Variants in CHSY1 observed in about 807,000 individuals in gnomAD.
The protein encoded by CHSY1 is chondroitin sulfate synthase 1.
In CHSY1, 13 loss-of-function variants were observed where a neutral mutation model predicts 59.8. The observed-to-expected ratio is 0.22, with a 90% CI of 0.14 to 0.35. The LOEUF (loss-of-function observed/expected upper bound fraction) is 0.35, where lower values mean the gene tolerates loss of function less well. Ranked by LOEUF, CHSY1 falls within the 10% of genes least tolerant of loss-of-function variation. CHSY1 has a pLI of 1.00. For missense variants in CHSY1, 947 were observed against 1,030.6 expected, an observed-to-expected ratio of 0.92 and a Z score of 1.11; for synonymous variants, 459 against 401.2, an observed-to-expected ratio of 1.14 and a Z score of -1.72.
At chr15:101,201,305 G>A (rs2038571992) in intron 2 of CHSY1, among the ~76,000 whole-genome samples, 1 of 152,196 alleles carries the variant, frequency 6.6e-6, no homozygotes. Context: ...GGTTAAAGAA[G>A]GAGTTGCCTA....
chr15:101,208,635 C>G (rs1305168477), intron 2 of CHSY1, among the ~76,000 whole-genome samples: 1 of 151,418 alleles, frequency 6.6e-6, no homozygotes, highest in Non-Finnish European at 1.5e-5. Flanking sequence ...ATTGCTTGAA[C>G]CCAGGAGGCG....
intron 2 of CHSY1, among the ~76,000 whole-genome samples, chr15:101,185,342 A>AGCC (rs1401971079): frequency 1.3e-5 from 2 of 152,278 alleles, no homozygotes; most frequent in East Asian, 3.9e-4. Flanking sequence ...AACCTAGGGA[A>AGCC]GCCCTGACGG....
intron 2 of CHSY1, among the ~76,000 whole-genome samples, chr15:101,184,639 C>A (rs540151082): frequency 6.6e-6 from 1 of 151,918 alleles, no homozygotes; most frequent in Admixed American, 6.6e-5. Flanking sequence ...CGTGAGCCAC[C>A]CAGCCCGGCC....
At chr15:101,198,675 G>A (rs1446865729) in intron 2 of CHSY1, among the ~76,000 whole-genome samples, 2 of 152,246 alleles carry the variant, frequency 1.3e-5, no homozygotes, top group Non-Finnish European at 2.9e-5. Context: ...AGCAGTCGTA[G>A]TACCAGGCCC....
At position 101,178,762 on chromosome 15, in the gene CHSY1, G is replaced by A. The variant is rs2038233737; in HGVS notation, c.1035C>T (p.Ser345=). 1 of 1,614,080 alleles carries A rather than the reference G, an allele frequency of 6.2e-7. No homozygotes were observed. The highest frequency in any genetic ancestry group is 8.5e-7 in the Non-Finnish European group (1 of 1,180,052). ...GGTCCTCTTTATGAATTTCTGTGTT[G>A]CTGTATTTGCTCATCAGGACAATTT... is the stretch of plus-strand genomic sequence containing the variant. ...HREIVLMSKY[S]NTEIHKEDLQ... Residue 345 remains serine, a synonymous_variant, in exon 3 of 3, where the codon AGC becomes AGT. Transcript: ENST00000254190.
chr15:101,245,045 G>C (rs1438119310), intron 1 of CHSY1, among the ~76,000 whole-genome samples: 1 of 152,184 alleles, frequency 6.6e-6, no homozygotes, highest in Non-Finnish European at 1.5e-5. Flanking sequence ...GCTCTAGCTA[G>C]GTACCGGTAC....
At chr15:101,197,674 A>G (rs1008850424) in intron 2 of CHSY1, among the ~76,000 whole-genome samples, 2 of 152,236 alleles carry the variant, frequency 1.3e-5, no homozygotes. Flanking sequence ...ATAAATGTAT[A>G]TAATGTTAAA....
rs2038181646 is a variant in CHSY1 at position 101,175,926 on chromosome 15, C to A, written c.*1462G>T. On this transcript the variant is annotated 3_prime_UTR_variant, in exon 3 of 3. Coordinates refer to ENST00000254190, the MANE Select transcript of CHSY1 (RefSeq NM_014918.5). Reference sequence around the variant, plus strand: ...TGGCAAGTCTATCACTGTTTGAAATCTAAATGAAAACAAATTTATTAAGGC... The same window carrying A: ...TGGCAAGTCTATCACTGTTTGAAATATAAATGAAAACAAATTTATTAAGGC... 1 of 208,570 alleles carries A rather than the reference C, an allele frequency of 4.8e-6. No homozygotes were observed. Among genetic ancestry groups the A allele is most frequent in the Non-Finnish European group, 9.4e-6 (1 of 105,928 alleles). 12.9% of individuals were successfully genotyped at this position (208,570 alleles called of 1,614,324 possible).
chr15:101,217,275 C>T (rs1008927346), intron 2 of CHSY1, among the ~76,000 whole-genome samples: 1 of 152,184 alleles, frequency 6.6e-6, no homozygotes, highest in African/African-American at 2.4e-5. Context: ...GAGCTGGAGA[C>T]ATCACTATCA....
intron 2 of CHSY1, among the ~76,000 whole-genome samples, chr15:101,179,357 T>G (rs1453096335): frequency 6.6e-6 from 1 of 152,198 alleles, no homozygotes; most frequent in Non-Finnish European, 1.5e-5. Context: ...CGTCCCTGGC[T>G]GAAGACCTGA....
chr15:101,217,179 G>A (rs901112471), intron 2 of CHSY1, among the ~76,000 whole-genome samples: 3 of 152,146 alleles, frequency 2.0e-5, no homozygotes, highest in African/African-American at 4.8e-5. Flanking sequence ...AATGGATGGC[G>A]GGTGGTAAAA....
At chr15:101,240,953 A>G (rs557330245) in intron 1 of CHSY1, among the ~76,000 whole-genome samples, 1 of 152,354 alleles carries the variant, frequency 6.6e-6, no homozygotes, top group Non-Finnish European at 1.5e-5. Flanking sequence ...GTAAGCTTAA[A>G]AAGCAGGCAA....
intron 2 of CHSY1, among the ~76,000 whole-genome samples, chr15:101,210,748 G>A (rs1245042734): frequency 6.6e-6 from 1 of 152,100 alleles, no homozygotes; most frequent in Non-Finnish European, 1.5e-5. Context: ...CCTCACTGGA[G>A]GACAGTAATC....
intron 2 of CHSY1, among the ~76,000 whole-genome samples, chr15:101,182,924 A>C (rs1284826232): frequency 6.6e-6 from 1 of 152,236 alleles, no homozygotes; most frequent in African/African-American, 2.4e-5. Context: ...AAACAAAAGC[A>C]AAACCCTTGG....
At chr15:101,189,926 C>T (rs941927030) in intron 2 of CHSY1, among the ~76,000 whole-genome samples, 2 of 152,244 alleles carry the variant, frequency 1.3e-5, no homozygotes, top group Admixed American at 6.5e-5. Context: ...CTTGAGTCCT[C>T]GGAGGAAGAG....
At position 101,176,094 on chromosome 15, in the gene CHSY1, A is replaced by T. The variant is rs750271337; in HGVS notation, c.*1294T>A. On this transcript the variant is annotated 3_prime_UTR_variant, in exon 3 of 3. Transcript: ENST00000254190. ...GGAATATAAAAATTAAGGAGGGGAAAAAGCGTTTCCAAAAGGAAATCTTTG... is the reference window on the plus strand; with the variant it reads ...GGAATATAAAAATTAAGGAGGGGAATAAGCGTTTCCAAAAGGAAATCTTTG... The T allele has an allele frequency of 2.5e-6, 1 of 396,910 alleles. No individual in the cohort carries two copies. Among genetic ancestry groups the T allele is most frequent in the Non-Finnish European group, 4.4e-6 (1 of 225,284 alleles). The allele number at this position is 396,910 out of a possible 1,614,324, so 24.6% of individuals were successfully genotyped here. A position where few individuals can be genotyped will look rare whatever the true frequency, so the allele number is the denominator to read the frequency against.
chr15:101,238,583 A>G (rs1264952769), intron 1 of CHSY1, among the ~76,000 whole-genome samples: 1 of 152,228 alleles, frequency 6.6e-6, no homozygotes, highest in East Asian at 1.9e-4. Flanking sequence ...TCATAATCCC[A>G]TGACGCCGGT....
chr15:101,218,022 G>C (rs12324684), intron 2 of CHSY1, among the ~76,000 whole-genome samples: 46,966 of 152,116 alleles, frequency 0.31, 8,925 homozygotes, highest in African/African-American at 0.54. Context: ...TGATGGAAAT[G>C]GCATTTTATC....
chr15:101,211,581 G>A (rs957539882), intron 2 of CHSY1, among the ~76,000 whole-genome samples: 13 of 152,034 alleles, frequency 8.6e-5, no homozygotes, highest in African/African-American at 3.1e-4. Context: ...TAATACTGAC[G>A]AAAGATGTAA....
Sources: allele counts gnomAD v4.1 joint callset (sites outside exome capture counted in the v4.1 genomes callset), GRCh38; gene constraint gnomAD v4.1.1; transcripts MANE v1.5; gene names NCBI Gene and HGNC (gene_info 2026-07-23, HGNC 2026-07-21).